Variants in LRRC1 observed in about 807,000 individuals in gnomAD.
LRRC1 encodes leucine rich repeat containing 1, also known as leucine-rich repeat-containing protein 1.
LRRC1 carries 28 observed loss-of-function variants against 69.9 expected under a neutral mutation model. The observed-to-expected ratio is 0.40, with a 90% CI of 0.30 to 0.55. The LOEUF is 0.55. Among genes scored for constraint, LRRC1 ranks in the 20% least tolerant of loss-of-function variants. The probability of loss-of-function intolerance (pLI) is 0.47; values close to 1 mark genes in which losing one functional copy is unlikely to be tolerated. For missense variants in LRRC1, 498 were observed against 609.0 expected (o/e 0.82, Z 1.92); for synonymous variants, 236 against 240.2 (o/e 0.98, Z 0.16).
intron 1 of LRRC1, among the ~76,000 whole-genome samples, chr6:53,811,810 C>T (rs1269316807): frequency 6.6e-6 from 1 of 152,188 alleles, no homozygotes; most frequent in Non-Finnish European, 1.5e-5. Context: ...ACTACAAAGG[C>T]GCAGGCTTTT....
intron 1 of LRRC1, among the ~76,000 whole-genome samples, chr6:53,798,760 A>C (rs1226006864): frequency 6.6e-6 from 1 of 152,220 alleles, no homozygotes; most frequent in Non-Finnish European, 1.5e-5. Flanking sequence ...CTGTTGAATG[A>C]ATGTTGCCGA....
Position 53,922,797 on chromosome 6 carries a change from T to C in LRRC1, c.*4T>C, listed in dbSNP as rs1354723253. On this transcript the variant is annotated 3_prime_UTR_variant, in exon 14 of 14. Coordinates refer to ENST00000370888, the MANE Select transcript of LRRC1 (RefSeq NM_018214.5). ...CCGAGTGACCACTTCTGTGTAGAGTTTCACCTCCAAGTTTTACCTCCTGTG... is the reference window on the plus strand; with the variant it reads ...CCGAGTGACCACTTCTGTGTAGAGTCTCACCTCCAAGTTTTACCTCCTGTG... 6.2e-7 allele frequency: 1 copy of C among 1,611,230 alleles called. No individual in the cohort carries two copies. The highest frequency in any genetic ancestry group is 8.5e-7 in the Non-Finnish European group (1 of 1,178,304).
In LRRC1 at chr6:53,857,698, T is replaced by C. The variant is rs543801360; in HGVS notation, c.277+15471T>C. ...TGCACTGAAAAGTTTCCGTTGGATC[T>C]GGCATTTGGGAGGTCATCTGTGACA... is the stretch of plus-strand genomic sequence containing the variant. On this transcript the variant is annotated intron_variant, in intron 2 of 13. Coordinates refer to ENST00000370888, the MANE Select transcript of LRRC1 (RefSeq NM_018214.5). Among the ~76,000 whole-genome samples, 7 of 152,342 alleles carry C rather than the reference T, an allele frequency of 4.6e-5. No individual in the cohort carries two copies. The South Asian group carries it at 1.5e-3, about 32-fold the overall frequency.
intron 11 of LRRC1, 145 bp downstream of exon 11, chr6:53,914,114 C>G: frequency 3.5e-6 from 2 of 575,202 alleles, no homozygotes; most frequent in Non-Finnish European, 6.3e-6. Context: ...TCAGGGAGTT[C>G]CTTCATAGGG....
rs527306556 is a variant in LRRC1, at chr6:53,915,865, C to A, written c.1106+1896C>A. The stretch of plus-strand genomic sequence containing the variant: ...TAAAAGTATCAGTATAGAAACTAAT[C>A]TTTTAAAAAGGGCTACCTTGTCAGC... On this transcript the variant is annotated intron_variant, in intron 11 of 13. Transcript: ENST00000370888. 4.6e-5 allele frequency among the ~76,000 whole-genome samples: 7 copies of A among 152,200 alleles called. No homozygotes were observed. The East Asian group carries it at 1.4e-3, about 29-fold the overall frequency.
chr6:53,919,761 T>TTG, intron 12 of LRRC1, 91 bp downstream of exon 12: 1 of 1,201,772 alleles, frequency 8.3e-7, no homozygotes, highest in Non-Finnish European at 1.2e-6. Context: ...CCTCATGTGA[T>TTG]TGTGTTATAT....
intron 11 of LRRC1, among the ~76,000 whole-genome samples, chr6:53,916,860 G>C (rs1456492456): frequency 6.6e-6 from 1 of 152,160 alleles, no homozygotes; most frequent in Non-Finnish European, 1.5e-5. Context: ...AGGTCACTTG[G>C]GGCTGGGTTG....
At chr6:53,902,167 A>G (rs1215822617) in intron 8 of LRRC1, among the ~76,000 whole-genome samples, 1 of 152,218 alleles carries the variant, frequency 6.6e-6, no homozygotes, top group Non-Finnish European at 1.5e-5. Flanking sequence ...ATGGCTTTCC[A>G]GAGGTTACCG....
chr6:53,801,170 G>C (rs1463170348), intron 1 of LRRC1, among the ~76,000 whole-genome samples: 2 of 152,156 alleles, frequency 1.3e-5, no homozygotes, highest in African/African-American at 2.4e-5. Flanking sequence ...AAAAGTGTTG[G>C]GTAGCTGAAG....
At position 53,840,931 on chromosome 6, in the gene LRRC1, T is replaced by C. The variant is rs10080608; in HGVS notation, c.160-1179T>C. Among the ~76,000 whole-genome samples, 79 of 123,980 alleles carry C rather than the reference T, an allele frequency of 6.4e-4. 1 individual carries two copies. In the South Asian group the frequency reaches 0.011, roughly 18 times the overall value. 81.3% of individuals were successfully genotyped at this position (123,980 alleles called of 152,430 possible). A position where few individuals can be genotyped will look rare whatever the true frequency, so the allele number is the denominator to read the frequency against. ...GTGTGTGTGTGTGTGTGTGTGTGCG[T>C]GCGCGCACATTCTCTTTCTTGCATG... On this transcript the variant is annotated intron_variant, in intron 1 of 13. Coordinates refer to ENST00000370888, the MANE Select transcript of LRRC1 (RefSeq NM_018214.5).
intron 2 of LRRC1, among the ~76,000 whole-genome samples, chr6:53,869,410 C>T (rs530835215): frequency 1.3e-5 from 2 of 152,138 alleles, no homozygotes; most frequent in East Asian, 3.9e-4. Context: ...AGTTTTAAAC[C>T]TCACATTTGT....
intron 1 of LRRC1, among the ~76,000 whole-genome samples, chr6:53,814,602 T>A (rs987748585): frequency 2.0e-5 from 3 of 152,258 alleles, no homozygotes; most frequent in Non-Finnish European, 4.4e-5. Context: ...GGTGCACAGA[T>A]GTTTGCATAG....
intron 9 of LRRC1, among the ~76,000 whole-genome samples, chr6:53,904,088 C>T (rs1768153921): frequency 6.6e-6 from 1 of 152,236 alleles, no homozygotes; most frequent in African/African-American, 2.4e-5. Flanking sequence ...TGCAAATTCT[C>T]ACTTCCTTGA....
intron 1 of LRRC1, among the ~76,000 whole-genome samples, chr6:53,811,479 G>A (rs999820139): frequency 6.6e-6 from 1 of 152,236 alleles, no homozygotes; most frequent in Non-Finnish European, 1.5e-5. Flanking sequence ...GGGTGTTAAT[G>A]AGGAGTAAAA....
chr6:53,842,872 G>A (rs1459115668), intron 2 of LRRC1, among the ~76,000 whole-genome samples: 1 of 152,178 alleles, frequency 6.6e-6, no homozygotes, highest in Non-Finnish European at 1.5e-5. Flanking sequence ...TTGATTTTCA[G>A]ATCCCACTAT....
intron 9 of LRRC1, among the ~76,000 whole-genome samples, chr6:53,903,911 T>A (rs1768147217): frequency 6.6e-6 from 1 of 152,246 alleles, no homozygotes; most frequent in Admixed American, 6.5e-5. Context: ...CACTCCAGGA[T>A]GCTCACCTTT....
intron 2 of LRRC1, among the ~76,000 whole-genome samples, chr6:53,853,422 T>G (rs1364733596): frequency 6.6e-6 from 1 of 151,870 alleles, no homozygotes; most frequent in African/African-American, 2.4e-5. Flanking sequence ...ATAGCTGGGA[T>G]TACAGGCGCT....
At chr6:53,900,423 T>A (rs1768023693) in intron 8 of LRRC1, among the ~76,000 whole-genome samples, 2 of 152,220 alleles carry the variant, frequency 1.3e-5, no homozygotes, top group Admixed American at 6.5e-5. Flanking sequence ...TCATCCTGGC[T>A]TGGTATCTAT....
At chr6:53,886,730 A>G (rs910494471) in intron 4 of LRRC1, among the ~76,000 whole-genome samples, 6 of 152,116 alleles carry the variant, frequency 3.9e-5, no homozygotes, top group Non-Finnish European at 8.8e-5. Context: ...GTTTCATTTA[A>G]TGATTGAAAT....
Sources: gnomAD v4.1 joint callset for allele counts (sites outside exome capture counted in the v4.1 genomes callset) on GRCh38, gnomAD v4.1.1 for gene constraint, MANE v1.5 for transcripts, NCBI Gene and HGNC (gene_info 2026-07-23, HGNC 2026-07-21) for gene names.